AGBL1: variants seen among roughly 807,000 people sequenced by gnomAD.
The protein encoded by AGBL1 is AGBL carboxypeptidase 1.
AGBL1 carries 130 observed loss-of-function variants against 118.9 expected under a neutral mutation model. The ratio of observed to expected loss-of-function variants is 1.09; its 90% CI spans 0.95 to 1.26. AGBL1 has a LOEUF of 1.26. Among genes scored for constraint, AGBL1 ranks in the 50% most tolerant of loss-of-function variants. AGBL1 has a pLI of 0.00. For missense variants in AGBL1, 1,584 were observed against 1,298.1 expected (o/e 1.22, Z -3.38); for synonymous variants, 555 against 478.9 (o/e 1.16, Z -2.08).
At chr15:86,095,227 C>A (rs1412276269) in intron 1 of AGBL1, among the ~76,000 whole-genome samples, 3 of 152,142 alleles carry the variant, frequency 2.0e-5, no homozygotes, top group Non-Finnish European at 4.4e-5. Flanking sequence ...TGAACCCCAT[C>A]ATTTAAGGTT....
intron 22 of AGBL1, among the ~76,000 whole-genome samples, chr15:86,864,223 G>A (rs1355627756): frequency 2.0e-5 from 3 of 152,048 alleles, no homozygotes; most frequent in Non-Finnish European, 4.4e-5. Flanking sequence ...CAAGCCCAGA[G>A]GGACACCAGA....
At chr15:86,865,824 T>A (rs2079620339) in intron 22 of AGBL1, among the ~76,000 whole-genome samples, 1 of 152,214 alleles carries the variant, frequency 6.6e-6, no homozygotes, top group African/African-American at 2.4e-5. Flanking sequence ...CTCTCCCTCT[T>A]CCTTTCTCTG....
intron 21 of AGBL1, among the ~76,000 whole-genome samples, chr15:86,656,060 A>C (rs2085457843): frequency 6.6e-6 from 1 of 152,208 alleles, no homozygotes; most frequent in Non-Finnish European, 1.5e-5. Context: ...CGGAGCATGA[A>C]GCATGCTTCC....
rs564780385 is a variant in AGBL1, at chr15:86,095,180, CTAGCAGGTGGAT to C, written c.51+15158_51+15169del. ...CAGGAAGTTAGGGTGCACCACCCTACTAGCAGGTGGATGTGTTCAACAACCTGGAAGTACTCT... is the reference window on the plus strand; with the variant it reads ...CAGGAAGTTAGGGTGCACCACCCTACGTGTTCAACAACCTGGAAGTACTCT... On this transcript the variant is annotated intron_variant, in intron 1 of 22. Coordinates refer to ENST00000614907, the MANE Select transcript of AGBL1 (RefSeq NM_001386094.1). Among the ~76,000 whole-genome samples the C allele has an allele frequency of 6.6e-5, 10 of 152,258 alleles. No homozygotes were observed. The East Asian group carries it at 1.9e-3, about 29-fold the overall frequency.
intron 16 of AGBL1, among the ~76,000 whole-genome samples, chr15:86,286,749 A>ATATATAGATATATATAT (rs60775713): frequency 6.9e-6 from 1 of 145,402 alleles, no homozygotes; most frequent in African/African-American, 2.6e-5. Context: ...ATATATATAT[A>ATATATAGATATATATAT]AAACTCCATC....
At chr15:86,767,916 C>G (rs1011869113) in intron 22 of AGBL1, among the ~76,000 whole-genome samples, 2 of 151,882 alleles carry the variant, frequency 1.3e-5, no homozygotes, top group African/African-American at 4.8e-5. Context: ...CATAACTCAA[C>G]CTTTTTGGAT....
At chr15:86,883,197 A>G (rs2141536604) in intron 22 of AGBL1, among the ~76,000 whole-genome samples, 1 of 152,356 alleles carries the variant, frequency 6.6e-6, no homozygotes, top group African/African-American at 2.4e-5. Flanking sequence ...ATATTTAAAT[A>G]ATTACATCTA....
intron 24 of AGBL1, among the ~76,000 whole-genome samples, chr15:87,009,289 G>A (rs57387642): frequency 0.099 from 15,070 of 152,158 alleles, 1,334 homozygotes; most frequent in African/African-American, 0.23. Flanking sequence ...TGTACAGCTC[G>A]GGCTATTTCT....
chr15:86,928,750 CATTTCAT>C (rs2080574058), intron 23 of AGBL1, among the ~76,000 whole-genome samples: 1 of 152,198 alleles, frequency 6.6e-6, no homozygotes, highest in South Asian at 2.1e-4. Context: ...GGCAATAAAG[CATTTCAT>C]TTGAATGAAT....
chr15:86,605,313 TA>T (rs199504928), intron 21 of AGBL1, among the ~76,000 whole-genome samples: 4,278 of 145,638 alleles, frequency 0.029, 106 homozygotes, highest in East Asian at 0.13. Context: ...ACTTTTTAAA[TA>T]AAAAAAAAAA....
At chr15:86,135,711 T>C (rs149387589) in intron 1 of AGBL1, among the ~76,000 whole-genome samples, 10 of 152,284 alleles carry the variant, frequency 6.6e-5, no homozygotes, top group African/African-American at 2.2e-4. Context: ...GAGCTCACAG[T>C]CTAAAGTGAG....
chr15:86,227,672 A>G (rs1378860012), intron 6 of AGBL1, among the ~76,000 whole-genome samples: 1 of 152,236 alleles, frequency 6.6e-6, no homozygotes, highest in Non-Finnish European at 1.5e-5. Flanking sequence ...AAAGTTTCAA[A>G]AGACCCCTTC....
chr15:86,462,583 C>G (rs2142087813), intron 18 of AGBL1, among the ~76,000 whole-genome samples: 1 of 152,276 alleles, frequency 6.6e-6, no homozygotes, highest in Non-Finnish European at 1.5e-5. Flanking sequence ...TATCCCTCCC[C>G]TTGCCCCCAC....
chr15:86,844,570 A>C (rs888998618), intron 22 of AGBL1, among the ~76,000 whole-genome samples: 1 of 152,172 alleles, frequency 6.6e-6, no homozygotes, highest in African/African-American at 2.4e-5. Flanking sequence ...TTGTCTACCT[A>C]TTAATGAGTT....
chr15:86,458,631 C>T (rs116743753), intron 18 of AGBL1, among the ~76,000 whole-genome samples: 1 of 152,108 alleles, frequency 6.6e-6, no homozygotes, highest in South Asian at 2.1e-4. Flanking sequence ...AATTTTCTAA[C>T]ATATTTATCT....
intron 24 of AGBL1, among the ~76,000 whole-genome samples, chr15:86,999,206 T>C (rs1307420884): frequency 6.6e-6 from 1 of 150,762 alleles, no homozygotes; most frequent in African/African-American, 2.4e-5. Flanking sequence ...TAATATAAAA[T>C]ATAAAATTTT....
Position 86,500,091 on chromosome 15 carries a change from A to G in AGBL1, c.2556-22719A>G, listed in dbSNP as rs192041781. ...TGTGGTCCTGCTGATTTGCCAGACA[A>G]AATGGACAACTGGAGAAAATGGTGC... On this transcript the variant is annotated intron_variant, in intron 18 of 22. Transcript: ENST00000614907. Among the ~76,000 whole-genome samples, 361 of 152,024 alleles carry G rather than the reference A, an allele frequency of 2.4e-3. 1 individual carries two copies. Among genetic ancestry groups the G allele is most frequent in the African/African-American group, 8.2e-3 (340 of 41,518 alleles).
intron 22 of AGBL1, among the ~76,000 whole-genome samples, chr15:86,805,890 A>C (rs187301145): frequency 6.6e-6 from 1 of 152,292 alleles, no homozygotes; most frequent in Admixed American, 6.5e-5. Flanking sequence ...CAATAGAAGC[A>C]GGGAAAACCA....
At chr15:86,762,256 T>A (rs916549952) in intron 22 of AGBL1, among the ~76,000 whole-genome samples, 1 of 151,956 alleles carries the variant, frequency 6.6e-6, no homozygotes, top group Admixed American at 6.6e-5. Context: ...GGAAAAGAGC[T>A]AATTCATGCT....
Sources: allele counts gnomAD v4.1 joint callset (sites outside exome capture counted in the v4.1 genomes callset), GRCh38; gene constraint gnomAD v4.1.1; transcripts MANE v1.5; gene names NCBI Gene and HGNC (gene_info 2026-07-23, HGNC 2026-07-21).